ARMC9: variants seen among roughly 807,000 people sequenced by gnomAD.
The protein encoded by ARMC9 is lisH domain-containing protein ARMC9.
ARMC9 carries 94 observed loss-of-function variants against 107.0 expected under a neutral mutation model. The observed-to-expected ratio is 0.88, with a 90% CI of 0.74 to 1.04. ARMC9 has a LOEUF of 1.04. Ranked by LOEUF, ARMC9 falls within the 50% of genes least tolerant of loss-of-function variation. ARMC9 has a pLI of 0.00. For synonymous variants in ARMC9, 380 were observed against 396.9 expected (o/e 0.96, Z 0.51); for missense variants, 942 against 1,030.1 (o/e 0.91, Z 1.17).
intron 1 of ARMC9, among the ~76,000 whole-genome samples, chr2:231,200,027 A>G (rs73086088): frequency 0.19 from 28,654 of 152,092 alleles, 3,640 homozygotes; most frequent in East Asian, 0.53. Context: ...ATGTTGAGTA[A>G]TAGGATACCC....
intron 7 of ARMC9, among the ~76,000 whole-genome samples, chr2:231,232,574 C>T (rs2035333765): frequency 6.6e-6 from 1 of 151,230 alleles, no homozygotes; most frequent in Admixed American, 6.6e-5. Flanking sequence ...GTGTCAGCCT[C>T]CCAAGTAGCT....
Position 231,358,350 on chromosome 2 carries a change from A to AATTGATTGATTGATTG in ARMC9, c.2132-2387_2132-2372dup, listed in dbSNP as rs143556558. ...CTTCTCCATCCCTCCCCTCCACTTC[A>AATTGATTGATTGATTG]ATTGATTGATTGATTGATTGATTGA... On this transcript the variant is annotated intron_variant, in intron 22 of 24. Transcript: ENST00000611582. The surrounding 1 kb of genome is among the most constrained non-coding windows in gnomAD (Gnocchi z 4.5). Among the ~76,000 whole-genome samples, 211 of 151,078 alleles carry AATTGATTGATTGATTG rather than the reference A, an allele frequency of 1.4e-3. No individual in the cohort carries two copies. The highest frequency in any genetic ancestry group is 4.8e-3 in the African/African-American group (196 of 40,788).
chr2:231,278,871 C>T (rs1435646603), intron 16 of ARMC9, among the ~76,000 whole-genome samples: 2 of 152,216 alleles, frequency 1.3e-5, no homozygotes, highest in Non-Finnish European at 2.9e-5. Context: ...CTTTAAGTCT[C>T]ATTCTGTTTA....
rs139550221 is a variant in ARMC9 at position 231,370,877 on chromosome 2, G to A, written c.2435-636G>A. Among the ~76,000 whole-genome samples the A allele has an allele frequency of 1.1e-4, 16 of 152,334 alleles. 1 individual carries two copies. Among genetic ancestry groups the A allele is most frequent in the Admixed American group, 4.6e-4 (7 of 15,306 alleles). On this transcript the variant is annotated intron_variant, in intron 24 of 24. Coordinates refer to ENST00000611582, the MANE Select transcript of ARMC9 (RefSeq NM_001352754.2). Reference sequence around the variant, plus strand: ...GGCCAGGCAGGACGAAAGGAGTCCCGCTTAGGATATGCGCATTTCTTTGGC... The same window carrying A: ...GGCCAGGCAGGACGAAAGGAGTCCCACTTAGGATATGCGCATTTCTTTGGC...
intron 17 of ARMC9, among the ~76,000 whole-genome samples, chr2:231,290,397 C>T (rs953119171): frequency 6.6e-5 from 10 of 152,204 alleles, no homozygotes; most frequent in African/African-American, 2.2e-4. Flanking sequence ...CTTGTTGGCT[C>T]ATGTAACTGA....
chr2:231,266,715 T>C (rs190886784), intron 12 of ARMC9, among the ~76,000 whole-genome samples: 1 of 152,360 alleles, frequency 6.6e-6, no homozygotes, highest in Non-Finnish European at 1.5e-5. Flanking sequence ...ATTTTTCTTT[T>C]TGTGACTGGC....
rs1168232633 is a variant in ARMC9 at position 231,358,824 on chromosome 2, A to G, written c.2132-1930A>G. ...GCCAACAGGAAATAGTTCCCAAGGG[A>G]AAAGGCCAATAATATGGCTTAGCAT... On this transcript the variant is annotated intron_variant, in intron 22 of 24. Coordinates refer to ENST00000611582, the MANE Select transcript of ARMC9 (RefSeq NM_001352754.2). This position sits in a 1 kb window ranked among gnomAD's most constrained non-coding sequence, Gnocchi z 4.5. 1.3e-5 allele frequency among the ~76,000 whole-genome samples: 2 copies of G among 152,218 alleles called. No homozygotes were observed. The highest frequency in any genetic ancestry group is 2.4e-5 in the African/African-American group (1 of 41,448).
chr2:231,199,538 G>A (rs1049392331), intron 1 of ARMC9, among the ~76,000 whole-genome samples: 8 of 152,102 alleles, frequency 5.3e-5, no homozygotes, highest in African/African-American at 1.9e-4. Context: ...GCCTCAAATT[G>A]CCTCATCTGG....
chr2:231,198,809 G>GA (rs1300351806), intron 1 of ARMC9, 111 bp downstream of exon 1: 1 of 152,554 alleles, frequency 6.6e-6, no homozygotes, highest in Non-Finnish European at 1.5e-5. Flanking sequence ...TTGTTCCGAG[G>GA]AAAAACCCGA....
At chr2:231,332,736 G>A (rs1384930640) in intron 20 of ARMC9, among the ~76,000 whole-genome samples, 1 of 152,194 alleles carries the variant, frequency 6.6e-6, no homozygotes, top group Non-Finnish European at 1.5e-5. Context: ...GAGTGTAAGG[G>A]TCTGGAAGGG....
At chr2:231,217,649 C>G (rs2033663756) in intron 5 of ARMC9, among the ~76,000 whole-genome samples, 1 of 151,960 alleles carries the variant, frequency 6.6e-6, no homozygotes, top group African/African-American at 2.4e-5. Flanking sequence ...TTATCACACA[C>G]AGAATTGACT....
intron 21 of ARMC9, 44 bp from the exon 22 acceptor site, chr2:231,355,754 C>A (rs550947226): frequency 2.0e-6 from 3 of 1,505,328 alleles, no homozygotes; most frequent in African/African-American, 1.4e-5. Flanking sequence ...GTCCGAATCT[C>A]CTGGCTGGCT....
chr2:231,367,591 T>C (rs1268101584), intron 23 of ARMC9, among the ~76,000 whole-genome samples: 1 of 152,234 alleles, frequency 6.6e-6, no homozygotes, highest in Non-Finnish European at 1.5e-5. Flanking sequence ...GTGAGTCGTT[T>C]TTACTAGGTT....
At chr2:231,206,337 A>G (rs2031986814) in intron 2 of ARMC9, 48 bp downstream of exon 2, 1 of 1,532,590 alleles carries the variant, frequency 6.5e-7, no homozygotes, top group Admixed American at 1.8e-5. Flanking sequence ...AGATCTTGAA[A>G]ACTTGTGTTT....
intron 18 of ARMC9, chr2:231,294,734 A>G (rs919665618): frequency 6.6e-6 from 1 of 152,258 alleles, no homozygotes; most frequent in Non-Finnish European, 1.5e-5. Flanking sequence ...GCGGTTTATA[A>G]CTGATGAGTA....
chr2:231,337,670 A>C (rs1302486829), intron 20 of ARMC9, among the ~76,000 whole-genome samples: 1 of 151,850 alleles, frequency 6.6e-6, no homozygotes, highest in Non-Finnish European at 1.5e-5. Flanking sequence ...GGGTTTCACC[A>C]TGTTGATCAG....
At chr2:231,200,260 A>C (rs1465562050) in intron 1 of ARMC9, among the ~76,000 whole-genome samples, 1 of 152,166 alleles carries the variant, frequency 6.6e-6, no homozygotes, top group African/African-American at 2.4e-5. Context: ...GGGCCTTTAA[A>C]ATGACATCCC....
chr2:231,224,157 C>T (rs2034426019), intron 6 of ARMC9, among the ~76,000 whole-genome samples: 1 of 152,156 alleles, frequency 6.6e-6, no homozygotes, highest in Non-Finnish European at 1.5e-5. Flanking sequence ...ATACTCAAAA[C>T]AGTACCTGAC....
At chr2:231,282,251 T>C in intron 17 of ARMC9, 118 bp downstream of exon 17, 1 of 999,272 alleles carries the variant, frequency 1.0e-6, no homozygotes, top group Non-Finnish European at 1.5e-6. Context: ...TCCAAACTCC[T>C]TGAAATTGTA....
Sources: gnomAD v4.1 joint callset for allele counts (sites outside exome capture counted in the v4.1 genomes callset) on GRCh38, gnomAD v4.1.1 for gene constraint, Gnocchi (gnomAD v3.1) non-coding constraint, MANE v1.5 for transcripts, NCBI Gene and HGNC (gene_info 2026-07-23, HGNC 2026-07-21) for gene names.